Variants in ZNF517 observed in about 807,000 individuals in gnomAD.
The protein encoded by ZNF517 is zinc finger protein 517.
A neutral mutation model predicts 12.1 loss-of-function variants in ZNF517; 12 were observed. That is an observed-to-expected ratio of 0.99 (90% CI 0.63 to 1.61). The LOEUF (loss-of-function observed/expected upper bound fraction) is 1.61, where lower values mean the gene tolerates loss of function less well. Among genes scored for constraint, ZNF517 ranks in the 40% most tolerant of loss-of-function variants. ZNF517 has a pLI of 0.00. For synonymous variants in ZNF517, 388 were observed against 310.2 expected, an observed-to-expected ratio of 1.25 and a Z score of -2.63; for missense variants, 781 against 693.2, an observed-to-expected ratio of 1.13 and a Z score of -1.42.
intron 1 of ZNF517, among the ~76,000 whole-genome samples, chr8:144,800,215 C>T (rs1826890314): frequency 1.3e-5 from 2 of 152,102 alleles, no homozygotes; most frequent in South Asian, 4.2e-4. Flanking sequence ...TTAGCACCCT[C>T]CTCCCCTTGA....
chr8:144,802,704 A>G (rs1827026612), intron 1 of ZNF517, 166 bp from the exon 2 acceptor site: 1 of 958,048 alleles, frequency 1.0e-6, no homozygotes, highest in Non-Finnish European at 1.2e-6. Flanking sequence ...GGGTGTTCCC[A>G]TGGAGAAGCT....
rs369081256 is a variant in ZNF517, at chr8:144,808,260, C to T, written c.1344C>T (p.Gly448=). The T allele has an allele frequency of 3.8e-5, 61 of 1,590,064 alleles. No homozygotes were observed. Among genetic ancestry groups the T allele is most frequent in the Non-Finnish European group, 4.8e-5 (56 of 1,167,726 alleles). ...ACGAGCACTACCGGCTCCACAGCGGCGAGAGGCCATACCGGTGCCGCGCCT... is the reference window on the plus strand; with the variant it reads ...ACGAGCACTACCGGCTCCACAGCGGTGAGAGGCCATACCGGTGCCGCGCCT... ...TLNEHYRLHS[G]ERPYRCRACG... is the part of the protein sequence containing the mutation. Residue 448 remains glycine (G), a synonymous_variant, in exon 5 of 5, where the codon GGC becomes GGT. Transcript: ENST00000359971.
At chr8:144,810,462 C>T, downstream of ZNF517, 3 of 411,562 alleles carry the variant, frequency 7.3e-6, no homozygotes, top group Admixed American at 4.1e-5. Flanking sequence ...TGGATCCACC[C>T]TCCAGAGAAC....
intron 1 of ZNF517, among the ~76,000 whole-genome samples, chr8:144,799,619 C>T (rs1327961719): frequency 6.6e-6 from 1 of 152,128 alleles, no homozygotes; most frequent in African/African-American, 2.4e-5. Context: ...GTTAGGGTAG[C>T]CTTGGCGGTC....
At chr8:144,812,949 A>C (rs1297531821), downstream of ZNF517, among the ~76,000 whole-genome samples, 1 of 152,140 alleles carries the variant, frequency 6.6e-6, no homozygotes, top group Non-Finnish European at 1.5e-5. Flanking sequence ...CTACATACCA[A>C]ACTACCAAAA....
intron 4 of ZNF517, among the ~76,000 whole-genome samples, chr8:144,805,871 G>A (rs530475991): frequency 6.6e-6 from 1 of 151,840 alleles, no homozygotes; most frequent in South Asian, 2.1e-4. Context: ...CCGCCGCCTC[G>A]GCCTCCCAGA....
At position 144,808,115 on chromosome 8, in the gene ZNF517, A is replaced by T. The variant is rs1431693186; in HGVS notation, c.1199A>T (p.Glu400Val). The change falls in exon 5 of 5, where the codon GAG becomes GTG. Residue 400 changes from glutamate (E) to valine (V), a missense_variant. Physicochemically the swap from Glu to Val is moderately radical, Grantham distance 121. Transcript: ENST00000359971. Reference protein sequence around the residue: ...HTGEKPFECAECGKAFGRKSN... With the variant: ...HTGEKPFECAVCGKAFGRKSN... Reference sequence around the variant, plus strand: ...GGCGAGAAGCCGTTCGAGTGCGCGGAGTGCGGCAAGGCCTTCGGTCGCAAG... The same window carrying T: ...GGCGAGAAGCCGTTCGAGTGCGCGGTGTGCGGCAAGGCCTTCGGTCGCAAG... The T allele has an allele frequency of 2.5e-6, 4 of 1,611,890 alleles. No individual in the cohort carries two copies. Among genetic ancestry groups the T allele is most frequent in the Non-Finnish European group, 3.4e-6 (4 of 1,179,492 alleles).
chr8:144,803,060 T>A, intron 2 of ZNF517, 113 bp downstream of exon 2: 1 of 1,392,390 alleles, frequency 7.2e-7, no homozygotes, highest in Non-Finnish European at 9.9e-7. Flanking sequence ...CATCACAGGA[T>A]GGAGTCTGCA....
chr8:144,808,482 T>C lies in ZNF517; in HGVS notation c.*87T>C, dbSNP rs186423267. The stretch of plus-strand genomic sequence containing the variant: ...CGCAGAAATTCAGAACCCCCTGTCC[T>C]GAAGGTGAAGCAAAGTCTAAAGAAA... On this transcript the variant is annotated 3_prime_UTR_variant, in exon 5 of 5. Transcript: ENST00000359971. 871 of 1,386,684 alleles carry C rather than the reference T, an allele frequency of 6.3e-4. 8 individuals carry two copies. In the African/African-American group the frequency reaches 0.012, roughly 19 times the overall value. 85.9% of individuals were successfully genotyped at this position (1,386,684 alleles called of 1,614,324 possible).
At chr8:144,802,206 C>T (rs781534767) in intron 1 of ZNF517, among the ~76,000 whole-genome samples, 1 of 152,126 alleles carries the variant, frequency 6.6e-6, no homozygotes, top group Admixed American at 6.5e-5. Context: ...TTATTGGTTG[C>T]AGAGTCACCC....
downstream of ZNF517, chr8:144,810,687 G>A (rs935089762): frequency 6.2e-6 from 1 of 161,298 alleles, no homozygotes; most frequent in Admixed American, 6.5e-5. Flanking sequence ...CTCCTGGCAG[G>A]TGCCTCTCTG....
At chr8:144,805,970 G>C (rs1827207281) in intron 4 of ZNF517, among the ~76,000 whole-genome samples, 1 of 152,140 alleles carries the variant, frequency 6.6e-6, no homozygotes, top group South Asian at 2.1e-4. Flanking sequence ...ACAAGCTGAT[G>C]ACTAATACTA....
intron 4 of ZNF517, among the ~76,000 whole-genome samples, chr8:144,805,039 G>A (rs1223822156): frequency 6.6e-6 from 1 of 152,192 alleles, no homozygotes; most frequent in Non-Finnish European, 1.5e-5. Flanking sequence ...AAGAGGTGGT[G>A]GAGCAGAGTC....
chr8:144,804,369 C>T (rs1332662567), intron 4 of ZNF517, 131 bp downstream of exon 4: 2 of 613,766 alleles, frequency 3.3e-6, no homozygotes, highest in Non-Finnish European at 5.5e-6. Flanking sequence ...GCCAGATTTC[C>T]TACTAACTGC....
chr8:144,802,422 C>G (rs1295135080), intron 1 of ZNF517, among the ~76,000 whole-genome samples: 1 of 152,216 alleles, frequency 6.6e-6, no homozygotes, highest in Non-Finnish European at 1.5e-5. Context: ...ACGCTTTGTT[C>G]ATTTCATAAA....
rs1341054287 is a variant in ZNF517, at chr8:144,802,905, G to A, written c.-10G>A. The A allele has an allele frequency of 6.2e-7, 1 of 1,613,954 alleles. No individual in the cohort carries two copies. Among genetic ancestry groups the A allele is most frequent in the Admixed American group, 1.7e-5 (1 of 60,008 alleles). On this transcript the variant is annotated 5_prime_UTR_variant, in exon 2 of 5. Transcript: ENST00000359971. ...CTGTAGCATCTGCTCCTCCACAGAGGGACCCTGGAATGGCGATGGCACTCC... is the reference window on the plus strand; with the variant it reads ...CTGTAGCATCTGCTCCTCCACAGAGAGACCCTGGAATGGCGATGGCACTCC...
In ZNF517 at chr8:144,807,439, G is replaced by A; in HGVS notation, c.523G>A (p.Ala175Thr). Reference sequence around the variant, plus strand: ...CCTGGGCCGGCCTGTGGGGAGCTCAGCCCCCCGCTACAGGTGCGTGTGCGG... The same window carrying A: ...CCTGGGCCGGCCTGTGGGGAGCTCAACCCCCCGCTACAGGTGCGTGTGCGG... ...EDLGRPVGSSAPRYRCVCGKA... is the reference protein window; with the variant it reads ...EDLGRPVGSSTPRYRCVCGKA... The change falls in exon 5 of 5, where the codon GCC becomes ACC. Residue 175 changes from alanine (A) to threonine (T), a missense_variant. Coordinates refer to ENST00000359971, the MANE Select transcript of ZNF517 (RefSeq NM_213605.3). 3 of 1,572,446 alleles carry A rather than the reference G, an allele frequency of 1.9e-6. No individual in the cohort carries two copies. Among genetic ancestry groups the A allele is most frequent in the Non-Finnish European group, 2.6e-6 (3 of 1,159,548 alleles).
rs1273355544 is a variant in ZNF517 at position 144,807,889 on chromosome 8, C to G, written c.973C>G (p.Arg325Gly). ...RPYRCLRCGQ[R>G]FIRGSSLLKH... is the part of the protein sequence containing the mutation. ...CTACCGGTGCCTGCGGTGTGGGCAG[C>G]GCTTCATCCGAGGGTCCTCGCTCCT... Residue 325 changes from arginine to glycine, a missense_variant, in exon 5 of 5, where the codon CGC (arginine) becomes GGC (glycine). Arg to Gly is a moderately radical substitution (Grantham distance 125). Coordinates refer to ENST00000359971, the MANE Select transcript of ZNF517 (RefSeq NM_213605.3). 1 of 1,548,236 alleles carries G rather than the reference C, an allele frequency of 6.5e-7. No homozygotes were observed. The highest frequency in any genetic ancestry group is 8.7e-7 in the Non-Finnish European group (1 of 1,150,928).
intron 1 of ZNF517, among the ~76,000 whole-genome samples, chr8:144,802,044 A>C (rs1170303025): frequency 6.6e-6 from 1 of 152,164 alleles, no homozygotes; most frequent in Non-Finnish European, 1.5e-5. Flanking sequence ...AAAAAAGGAA[A>C]GAAAAATAGG....
Sources: gnomAD v4.1 joint callset for allele counts (sites outside exome capture counted in the v4.1 genomes callset) on GRCh38, gnomAD v4.1.1 for gene constraint, MANE v1.5 for transcripts, NCBI Gene and HGNC (gene_info 2026-07-23, HGNC 2026-07-21) for gene names.